SLC8A1: variants seen among roughly 807,000 people sequenced by gnomAD.
SLC8A1 encodes the protein sodium/calcium exchanger 1.
A neutral mutation model predicts 68.3 loss-of-function variants in SLC8A1; 18 were observed. The ratio of observed to expected loss-of-function variants is 0.26; its 90% confidence interval spans 0.18 to 0.39. SLC8A1 has a LOEUF of 0.39. SLC8A1 is among the 10% of genes least tolerant of loss of function. The probability of loss-of-function intolerance (pLI) is 1.00; values close to 1 mark genes in which losing one functional copy is unlikely to be tolerated. For synonymous variants in SLC8A1, 475 were observed against 415.5 expected, an observed-to-expected ratio of 1.14 and a Z score of -1.74; for missense variants, 985 against 1,156.7, an observed-to-expected ratio of 0.85 and a Z score of 2.15.
chr2:40,228,731 C>T lies in SLC8A1; in HGVS notation c.1809-50876G>A, dbSNP rs546260789. ...GTTGAACGCAGAAATGGTAGGCGAG[C>T]CTCAAAGCAGTTTAAAATCCACCTG... is the stretch of plus-strand genomic sequence containing the variant. On this transcript the variant is annotated intron_variant, in intron 2 of 7. Transcript: ENST00000406785. Among the ~76,000 whole-genome samples, 6 of 152,224 alleles carry T rather than the reference C, an allele frequency of 3.9e-5. No individual in the cohort carries two copies. In the South Asian group the frequency reaches 1.2e-3, roughly 32 times the overall value.
intron 2 of SLC8A1, among the ~76,000 whole-genome samples, chr2:40,258,369 A>C (rs2149082667): frequency 6.6e-6 from 1 of 152,298 alleles, no homozygotes; most frequent in South Asian, 2.1e-4. Context: ...CAGACGTCAA[A>C]ATGAAAGAAA....
chr2:40,176,005 C>T (rs768528287), intron 3 of SLC8A1: 1 of 446,036 alleles, frequency 2.2e-6, no homozygotes, highest in South Asian at 1.6e-5. Context: ...CATATCATCC[C>T]AGGAAACTGA....
intron 6 of SLC8A1, among the ~76,000 whole-genome samples, chr2:40,142,383 A>G (rs1396136280): frequency 1.3e-5 from 2 of 152,136 alleles, no homozygotes; most frequent in Non-Finnish European, 2.9e-5. Context: ...TATACTCAGA[A>G]AAGTTGAGAA....
intron 7 of SLC8A1, 31 bp from the exon 11 acceptor site, chr2:40,115,660 C>T (rs370669554): frequency 3.4e-5 from 54 of 1,584,084 alleles, no homozygotes; most frequent in Non-Finnish European, 4.5e-5. Context: ...GTCAATGACA[C>T]TCAATCTTTT....
At chr2:40,501,017 C>A (rs1706030264) in intron 1 of SLC8A1, among the ~76,000 whole-genome samples, 1 of 151,804 alleles carries the variant, frequency 6.6e-6, no homozygotes. Flanking sequence ...GAAAAACTCT[C>A]CTACCTGTTC....
intron 2 of SLC8A1, among the ~76,000 whole-genome samples, chr2:40,239,590 G>A (rs2060927883): frequency 6.6e-6 from 1 of 152,170 alleles, no homozygotes; most frequent in African/African-American, 2.4e-5. Flanking sequence ...CACAGTCACT[G>A]TGCTGCCTCG....
intron 7 of SLC8A1, among the ~76,000 whole-genome samples, chr2:40,136,879 T>C (rs1224609994): frequency 6.6e-6 from 1 of 152,200 alleles, no homozygotes; most frequent in East Asian, 1.9e-4. Flanking sequence ...TCTGAATATA[T>C]TGTTTGGGGA....
At chr2:40,441,567 C>T (rs1031639207) in intron 1 of SLC8A1, among the ~76,000 whole-genome samples, 1 of 150,830 alleles carries the variant, frequency 6.6e-6, no homozygotes, top group Non-Finnish European at 1.5e-5. Flanking sequence ...CCAAAACAGA[C>T]ATTATAGACC....
At chr2:40,337,883 T>C (rs951198367) in intron 2 of SLC8A1, among the ~76,000 whole-genome samples, 22 of 152,176 alleles carry the variant, frequency 1.4e-4, no homozygotes, top group Non-Finnish European at 8.8e-5. Flanking sequence ...TTAATAATAC[T>C]AAATCATGTA....
chr2:40,145,956 A>G (rs536357470), intron 6 of SLC8A1, among the ~76,000 whole-genome samples: 1 of 119,012 alleles, frequency 8.4e-6, no homozygotes. Context: ...TTCCCAAACA[A>G]GAGTTGATCT....
chr2:40,410,536 A>T (rs562001172), intron 2 of SLC8A1, among the ~76,000 whole-genome samples: 1 of 152,026 alleles, frequency 6.6e-6, no homozygotes, highest in Admixed American at 6.6e-5. Context: ...CCTATGATGA[A>T]AATATAGTAA....
chr2:40,245,695 T>A (rs917313821), intron 2 of SLC8A1, among the ~76,000 whole-genome samples: 8 of 152,022 alleles, frequency 5.3e-5, no homozygotes, highest in Non-Finnish European at 8.8e-5. Flanking sequence ...TTTTTTTTTT[T>A]AATCATTCCT....
At chr2:40,235,977 A>G (rs1410422096) in intron 2 of SLC8A1, among the ~76,000 whole-genome samples, 1 of 150,808 alleles carries the variant, frequency 6.6e-6, no homozygotes, top group Non-Finnish European at 1.5e-5. Flanking sequence ...GTTTGTTATA[A>G]TTTCTGTTCT....
At chr2:40,427,451 A>C (rs974019685) in intron 2 of SLC8A1, among the ~76,000 whole-genome samples, 3 of 152,062 alleles carry the variant, frequency 2.0e-5, no homozygotes, top group Admixed American at 2.0e-4. Context: ...ATAATCATTC[A>C]TTTTAACGTC....
chr2:40,185,135 T>C (rs1230527521), intron 2 of SLC8A1, among the ~76,000 whole-genome samples: 2 of 152,042 alleles, frequency 1.3e-5, no homozygotes, highest in African/African-American at 4.8e-5. Context: ...TGTAGAGAAA[T>C]TGGAACCCTC....
intron 6 of SLC8A1, among the ~76,000 whole-genome samples, chr2:40,145,568 C>T (rs77180660): frequency 0.011 from 1,674 of 152,314 alleles, 15 homozygotes; most frequent in Non-Finnish European, 0.017. Flanking sequence ...ACAGTAATTA[C>T]AAATCAAATT....
chr2:40,275,054 A>G (rs1574986999), intron 2 of SLC8A1, among the ~76,000 whole-genome samples: 1 of 152,362 alleles, frequency 6.6e-6, no homozygotes, highest in Non-Finnish European at 1.5e-5. Context: ...AAAGCTAATC[A>G]AATTAGTATT....
chr2:40,417,251 A>G (rs1039440417), intron 2 of SLC8A1, among the ~76,000 whole-genome samples: 10 of 152,080 alleles, frequency 6.6e-5, no homozygotes, highest in Non-Finnish European at 2.9e-5. Context: ...TGGTGTACAG[A>G]TTATTTTGTC....
At chr2:40,232,190 G>A (rs898211755) in intron 2 of SLC8A1, among the ~76,000 whole-genome samples, 4 of 152,056 alleles carry the variant, frequency 2.6e-5, no homozygotes, top group African/African-American at 7.2e-5. Flanking sequence ...AGGAGACCCT[G>A]AACATTTCAA....
Sources: allele counts gnomAD v4.1 joint callset (sites outside exome capture counted in the v4.1 genomes callset), GRCh38; gene constraint gnomAD v4.1.1; transcripts MANE v1.5; gene names NCBI Gene and HGNC (gene_info 2026-07-23, HGNC 2026-07-21).